Variants in SOX5 observed in about 807,000 individuals in gnomAD.
SOX5 encodes SRY-box transcription factor 5.
Under a neutral mutation model 92.0 loss-of-function variants are expected in SOX5, and 9 were observed. The observed-to-expected ratio is 0.10, with a 90% CI of 0.06 to 0.17. The LOEUF is 0.17. Among genes scored for constraint, SOX5 ranks in the 10% least tolerant of loss-of-function variants. The pLI, the probability that SOX5 is intolerant of heterozygous loss-of-function variation, is 1.00. For missense variants in SOX5, 642 were observed against 944.5 expected (o/e 0.68, Z 4.20); for synonymous variants, 344 against 336.3 (o/e 1.02, Z -0.25).
chr12:23,966,241 A>AAAAAAC (rs1569302878), intron 4 of SOX5, among the ~76,000 whole-genome samples: 1 of 129,216 alleles, frequency 7.7e-6, no homozygotes, highest in African/African-American at 2.8e-5. Flanking sequence ...AAAAAAAAAA[A>AAAAAAC]GCTGTTTGGG....
chr12:24,212,572 G>C, intron 4 of SOX5: 2 of 494,646 alleles, frequency 4.0e-6, no homozygotes, highest in Non-Finnish European at 8.2e-6. Flanking sequence ...AGCAATAATA[G>C]TGAGAGTTGT....
chr12:24,006,840 A>G (rs999403783), intron 4 of SOX5, among the ~76,000 whole-genome samples: 7 of 152,138 alleles, frequency 4.6e-5, no homozygotes, highest in Admixed American at 4.6e-4. Flanking sequence ...ATTGGCATTA[A>G]TATCTTAACT....
intron 1 of SOX5, among the ~76,000 whole-genome samples, chr12:23,916,219 G>A (rs1285187294): frequency 6.6e-6 from 1 of 152,124 alleles, no homozygotes; most frequent in Non-Finnish European, 1.5e-5. Context: ...TTCCCAAAAT[G>A]ACCATGTTGT....
intron 2 of SOX5, among the ~76,000 whole-genome samples, chr12:24,323,989 A>T (rs1349828930): frequency 6.6e-6 from 1 of 152,312 alleles, no homozygotes; most frequent in East Asian, 1.9e-4. Flanking sequence ...TTATGTATAA[A>T]CAATGTCTGC....
At chr12:23,544,213 G>A (rs950618558) in intron 12 of SOX5, among the ~76,000 whole-genome samples, 2 of 152,156 alleles carry the variant, frequency 1.3e-5, no homozygotes, top group African/African-American at 4.8e-5. Context: ...CAATTCAAGA[G>A]TTAACAACGA....
chr12:24,198,820 T>C (rs1215948905), intron 4 of SOX5, among the ~76,000 whole-genome samples: 2 of 152,210 alleles, frequency 1.3e-5, no homozygotes, highest in African/African-American at 4.8e-5. Context: ...TTTTAATTCC[T>C]GCAGGGCAAA....
intron 6 of SOX5, among the ~76,000 whole-genome samples, chr12:23,684,308 A>G (rs1051763636): frequency 2.0e-5 from 3 of 152,072 alleles, no homozygotes; most frequent in Non-Finnish European, 4.4e-5. Context: ...AGTTTAATTC[A>G]GCATTTTGTT....
At chr12:24,273,952 C>G (rs553091787) in intron 3 of SOX5, among the ~76,000 whole-genome samples, 44 of 152,236 alleles carry the variant, frequency 2.9e-4, no homozygotes, top group Non-Finnish European at 5.4e-4. Flanking sequence ...ATTCCTAGCT[C>G]TATTTCTGTT....
At chr12:24,040,658 G>A (rs1258547120) in intron 4 of SOX5, among the ~76,000 whole-genome samples, 8 of 152,314 alleles carry the variant, frequency 5.3e-5, no homozygotes, top group African/African-American at 1.9e-4. Flanking sequence ...GGATCACGAG[G>A]TCAGGAGATG....
chr12:24,287,655 T>C (rs903173957), intron 2 of SOX5, among the ~76,000 whole-genome samples: 7 of 141,948 alleles, frequency 4.9e-5, no homozygotes, highest in Admixed American at 2.9e-4. Context: ...TTTCAAGGAA[T>C]GCTCTAAAAT....
At chr12:23,541,818 T>G (rs1942107822) in intron 13 of SOX5, among the ~76,000 whole-genome samples, 1 of 152,084 alleles carries the variant, frequency 6.6e-6, no homozygotes. Flanking sequence ...TATGGGATCA[T>G]AAAAACATAC....
At chr12:24,416,224 A>T (rs1472803112) in intron 1 of SOX5, among the ~76,000 whole-genome samples, 1 of 152,208 alleles carries the variant, frequency 6.6e-6, no homozygotes, top group Non-Finnish European at 1.5e-5. Context: ...GAGCTCTAAG[A>T]AGCAGGTCTT....
In SOX5 at chr12:23,665,582, G is replaced by A. The variant is rs542618011; in HGVS notation, c.811-18C>T. 1.3e-6 allele frequency: 2 copies of A among 1,588,836 alleles called. No individual in the cohort carries two copies. Among genetic ancestry groups the A allele is most frequent in the East Asian group, 2.2e-5 (1 of 44,538 alleles). On this transcript the variant is annotated intron_variant, in intron 6 of 14. Transcript: ENST00000451604. ...CCTTGAACCTGCTGAACGTGATAGA[G>A]CGAATCAAAGAGAAGAAGTTTCGAT...
At chr12:24,030,675 A>G (rs750018071) in intron 4 of SOX5, among the ~76,000 whole-genome samples, 15 of 151,980 alleles carry the variant, frequency 9.9e-5, no homozygotes, top group Non-Finnish European at 5.9e-5. Context: ...AGGCAACAAA[A>G]GCAAAAATAG....
chr12:24,015,508 G>A (rs975926147), intron 4 of SOX5, among the ~76,000 whole-genome samples: 4 of 152,152 alleles, frequency 2.6e-5, no homozygotes, highest in Admixed American at 6.5e-5. Context: ...ATTATTGTTC[G>A]CCTCTTGTTC....
At chr12:23,578,144 A>AAAAAAAAAAG (rs1432589481) in intron 9 of SOX5, among the ~76,000 whole-genome samples, 4 of 134,908 alleles carry the variant, frequency 3.0e-5, no homozygotes, top group Non-Finnish European at 6.5e-5. Context: ...AAAAAAAAAA[A>AAAAAAAAAAG]AAAAAACTAT....
At chr12:24,176,114 TGA>T (rs1954779622) in intron 4 of SOX5, among the ~76,000 whole-genome samples, 1 of 152,096 alleles carries the variant, frequency 6.6e-6, no homozygotes, top group African/African-American at 2.4e-5. Flanking sequence ...ACAGATTACT[TGA>T]GTTCCAGAGT....
intron 9 of SOX5, among the ~76,000 whole-genome samples, chr12:23,600,634 G>A (rs1299352270): frequency 6.8e-6 from 1 of 148,092 alleles, no homozygotes; most frequent in Non-Finnish European, 1.5e-5. Context: ...AGGCATTAGT[G>A]CAAACAGTTC....
chr12:24,261,993 G>T (rs189720028), intron 3 of SOX5, among the ~76,000 whole-genome samples: 1 of 152,108 alleles, frequency 6.6e-6, no homozygotes, highest in Non-Finnish European at 1.5e-5. Context: ...TGTTTATATC[G>T]TTGGCTACGG....
Sources: allele counts gnomAD v4.1 joint callset (sites outside exome capture counted in the v4.1 genomes callset), GRCh38; gene constraint gnomAD v4.1.1; transcripts MANE v1.5; gene names NCBI Gene and HGNC (gene_info 2026-07-23, HGNC 2026-07-21).